DUX4: variants seen among roughly 807,000 people sequenced by gnomAD.
The protein encoded by DUX4 is double homeobox 4, also known as double homeobox protein 4.
At chr4:190,178,878 AGTGC>A (rs1742459182), downstream of DUX4, among the ~76,000 whole-genome samples, 1 of 150,576 alleles carries the variant, frequency 6.6e-6, no homozygotes, top group Admixed American at 6.6e-5. Context: ...CTGGGTGATC[AGTGC>A]AGATCTATGT....
chr4:190,182,162 AAT>A (rs1742603893), intron 1 of DUX4: 1 of 82,354 alleles, frequency 1.2e-5, no homozygotes, highest in African/African-American at 3.5e-5. Flanking sequence ...TGTTTCCTGC[AAT>A]ATGTCACAAT....
downstream of DUX4, among the ~76,000 whole-genome samples, chr4:190,178,307 G>C (rs1281153495): frequency 1.8e-3 from 128 of 69,966 alleles, no homozygotes; most frequent in Non-Finnish European, 2.7e-3. Context: ...AGAGCACAGA[G>C]AAGAGTTGCA....
downstream of DUX4, among the ~76,000 whole-genome samples, chr4:190,177,128 G>A (rs1579832426): frequency 1.3e-5 from 2 of 151,876 alleles, no homozygotes; most frequent in Non-Finnish European, 2.9e-5. Context: ...AATGTCCCCT[G>A]TAGGCAGAGA....
At chr4:190,183,180 C>G (rs1742622993) in intron 1 of DUX4, 1 of 87,196 alleles carries the variant, frequency 1.1e-5, no homozygotes, top group Non-Finnish European at 2.8e-5. Context: ...TAAATAATTT[C>G]ACATTATTAC....
chr4:190,177,163 A>ATCTGTGCAGAGTTATGTCAAAGG (rs1742346232), downstream of DUX4, among the ~76,000 whole-genome samples: 1 of 113,642 alleles, frequency 8.8e-6, no homozygotes, highest in African/African-American at 2.8e-5. Flanking sequence ...CATCACCTAG[A>ATCTGTGCAGAGTTATGTCAAAGG]TGATCTGTGC....
At chr4:190,181,563 C>T (rs1579837746) in intron 1 of DUX4, among the ~76,000 whole-genome samples, 1,322 of 29,290 alleles carry the variant, frequency 0.045, 1 homozygote, top group Middle Eastern at 0.14. Context: ...TGTCACTATG[C>T]CCCGTAGGCA....
downstream of DUX4, among the ~76,000 whole-genome samples, chr4:190,179,068 T>TC (rs1742476405): frequency 8.5e-4 from 11 of 12,974 alleles, no homozygotes; most frequent in Non-Finnish European, 1.6e-3. Flanking sequence ...AGAGTCCCAT[T>TC]ACTTGGGTGA....
At chr4:190,179,036 C>CAGAT (rs1742473430), downstream of DUX4, among the ~76,000 whole-genome samples, 1 of 19,338 alleles carries the variant, frequency 5.2e-5, no homozygotes, top group Non-Finnish European at 1.2e-4. Context: ...GTCACAAAGT[C>CAGAT]CCTTTAGGCA....
In DUX4 at chr4:190,182,220, C is replaced by G. The variant is rs1449227272; in HGVS notation, n.93-3121C>G. On this transcript the variant is annotated intron_variant and non_coding_transcript_variant, in intron 1 of 2. Coordinates refer to the DUX4 transcript ENST00000563716. ...TGAGGGTGAGGGTTAGGGTGAGGGT[C>G]AGGGTGAGGGTGAGGGTTAGGGTTA... 335 of 43,552 alleles carry G rather than the reference C, an allele frequency of 7.7e-3. 2 individuals carry two copies. The highest frequency in any genetic ancestry group is 0.051 in the Middle Eastern group (4 of 78). The allele number at this position is 43,552 out of a possible 1,614,324, so 2.7% of individuals were successfully genotyped here.
At chr4:190,177,186 A>AAACGCACCTGTAGGCAG (rs1742348623), downstream of DUX4, among the ~76,000 whole-genome samples, 1 of 150,368 alleles carries the variant, frequency 6.7e-6, no homozygotes, top group Non-Finnish European at 1.5e-5. Flanking sequence ...AGCTATGTCA[A>AAACGCACCTGTAGGCAG]AACGCCCCTG....
rs1742256770 is a variant in DUX4 at position 190,175,647 on chromosome 4, A to T, written c.*237A>T. 2 of 167,412 alleles carry T rather than the reference A, an allele frequency of 1.2e-5. 1 individual carries two copies. The highest frequency in any genetic ancestry group is 2.2e-5 in the Non-Finnish European group (2 of 89,478). 10.4% of individuals were successfully genotyped at this position (167,412 alleles called of 1,614,324 possible). ...CTGTCTTTGCCCGCTTCCTGGCTAG[A>T]CCTGCGCGCAGTGCGCACCCCGGCT... On this transcript the variant is annotated splice_region_variant and 3_prime_UTR_variant, in exon 2 of 2. Transcript: ENST00000565211.
chr4:190,176,834 A>G (rs1579832051), downstream of DUX4, among the ~76,000 whole-genome samples: 4 of 127,442 alleles, frequency 3.1e-5, no homozygotes, highest in South Asian at 2.7e-4. Flanking sequence ...CAGTGCATAG[A>G]TATGTCACAA....
At chr4:190,179,313 G>GTAGGCAGAGCC (rs1742486838), downstream of DUX4, among the ~76,000 whole-genome samples, 1 of 151,970 alleles carries the variant, frequency 6.6e-6, no homozygotes, top group African/African-American at 2.4e-5. Flanking sequence ...CAATGCCACT[G>GTAGGCAGAGCC]TAGGCAGAGC....
chr4:190,182,174 T>TGGTGAG (rs1266753262), intron 1 of DUX4: 1 of 52,162 alleles, frequency 1.9e-5, no homozygotes, highest in South Asian at 6.8e-4. Context: ...TATGTCACAA[T>TGGTGAG]GGCGAGGGTG....
At chr4:190,178,773 C>CAGACG (rs1742450178), downstream of DUX4, among the ~76,000 whole-genome samples, 1 of 79,920 alleles carries the variant, frequency 1.3e-5, no homozygotes, top group Non-Finnish European at 2.5e-5. Context: ...CCCCTGTAGG[C>CAGACG]CAAAGCCTAG....
downstream of DUX4, among the ~76,000 whole-genome samples, chr4:190,179,381 G>A (rs1742489625): frequency 5.3e-5 from 8 of 150,384 alleles, no homozygotes; most frequent in East Asian, 3.9e-4. Context: ...CAATGCCCCT[G>A]TAGGCAGAGC....
At chr4:190,181,629 GC>G (rs1391246258) in intron 1 of DUX4, among the ~76,000 whole-genome samples, 163 of 5,420 alleles carry the variant, frequency 0.03, no homozygotes, top group Non-Finnish European at 0.032. Context: ...ATGTCAGAAA[GC>G]CCCCTGTAGG....
intron 1 of DUX4, among the ~76,000 whole-genome samples, chr4:190,181,515 A>ACAAGAGATACATCACCTCGGTGAT (rs1742577185): frequency 7.0e-6 from 1 of 143,616 alleles, no homozygotes; most frequent in African/African-American, 2.6e-5. Flanking sequence ...CAGAGCCTGG[A>ACAAGAGATACATCACCTCGGTGAT]CAAGAGTTAC....
At chr4:190,181,629 GCCC>G (rs1391246258) in intron 1 of DUX4, among the ~76,000 whole-genome samples, 2 of 5,638 alleles carry the variant, frequency 3.5e-4, no homozygotes, top group Non-Finnish European at 3.2e-4. Context: ...ATGTCAGAAA[GCCC>G]CCTGTAGGCA....
Sources: allele counts gnomAD v4.1 joint callset (sites outside exome capture counted in the v4.1 genomes callset), GRCh38; gene constraint gnomAD v4.1.1; transcripts MANE v1.5; gene names NCBI Gene and HGNC (gene_info 2026-07-23, HGNC 2026-07-21).